The following KALRN variants were observed in gnomAD, a reference collection of about 807,000 sequenced individuals.
KALRN encodes the protein kalirin.
In KALRN, 70 loss-of-function variants were observed where a neutral mutation model predicts 353.7. That is an observed-to-expected ratio of 0.20 (90% CI 0.16 to 0.24). The LOEUF (loss-of-function observed/expected upper bound fraction) is 0.24, where lower values mean the gene tolerates loss of function less well. Among genes scored for constraint, KALRN ranks in the 10% least tolerant of loss-of-function variants. KALRN has a pLI of 1.00. For missense variants in KALRN, 2,791 were observed against 3,756.7 expected (o/e 0.74, Z 6.72); for synonymous variants, 1,391 against 1,434.8 (o/e 0.97, Z 0.69).
intron 9 of KALRN, among the ~76,000 whole-genome samples, chr3:124,344,455 C>A (rs901105412): frequency 1.3e-5 from 2 of 152,186 alleles, no homozygotes; most frequent in Non-Finnish European, 2.9e-5. Context: ...GGTCTAAACA[C>A]GTGTATCATG....
chr3:124,305,543 T>G (rs2077615175), intron 6 of KALRN, among the ~76,000 whole-genome samples: 1 of 152,150 alleles, frequency 6.6e-6, no homozygotes, highest in South Asian at 2.1e-4. Flanking sequence ...AAATCAAACC[T>G]GGTACAAGAT....
In KALRN at chr3:124,434,399, C is replaced by T. The variant is rs61758999; in HGVS notation, c.2922C>T (p.Tyr974=). 4.0e-4 allele frequency: 640 copies of T among 1,614,154 alleles called. No individual in the cohort carries two copies. The highest frequency in any genetic ancestry group is 5.1e-4 in the Non-Finnish European group (605 of 1,180,028). The change falls in exon 17 of 60, where the codon TAC becomes TAT. Residue 974 remains tyrosine (Y), a synonymous_variant. Transcript: ENST00000682506. The part of the protein sequence containing the change: ...KAEVLLQAGH[Y]DADAIRECAE... ...AGGTGCTGCTCCAGGCCGGCCACTACGATGCCGATGCCATCCGGGAATGTG... is the reference window on the plus strand; with the variant it reads ...AGGTGCTGCTCCAGGCCGGCCACTATGATGCCGATGCCATCCGGGAATGTG...
At chr3:124,564,998 G>C (rs1335010585) in intron 34 of KALRN, among the ~76,000 whole-genome samples, 2 of 152,234 alleles carry the variant, frequency 1.3e-5, no homozygotes, top group African/African-American at 4.8e-5. Context: ...AGATGGGGAC[G>C]AGGGTCAGCA....
At chr3:124,586,235 A>C (rs1400092454) in intron 34 of KALRN, among the ~76,000 whole-genome samples, 1 of 152,200 alleles carries the variant, frequency 6.6e-6, no homozygotes, top group Admixed American at 6.5e-5. Flanking sequence ...GAAAGGGGGA[A>C]TAAAGCGCGG....
intron 2 of KALRN, among the ~76,000 whole-genome samples, chr3:124,228,382 T>TC (rs1318951153): frequency 1.1e-4 from 17 of 152,234 alleles, no homozygotes; most frequent in Non-Finnish European, 2.1e-4. Context: ...GGAGGTTTTA[T>TC]CTGAGTTCAT....
At chr3:124,082,333 G>T (rs537750976) in intron 1 of KALRN, 2 of 470,872 alleles carry the variant, frequency 4.2e-6, no homozygotes, top group Non-Finnish European at 4.4e-6. Flanking sequence ...TTTTCTTACT[G>T]TAAGTAGAAA....
chr3:124,625,547 C>A (rs1439114589), intron 34 of KALRN, among the ~76,000 whole-genome samples: 1 of 151,362 alleles, frequency 6.6e-6, no homozygotes, highest in Non-Finnish European at 1.5e-5. Context: ...ATCATGAGAC[C>A]CCATCTCTAT....
At chr3:124,630,193 TTAAA>T (rs960838652) in intron 34 of KALRN, among the ~76,000 whole-genome samples, 1 of 152,100 alleles carries the variant, frequency 6.6e-6, no homozygotes, top group Non-Finnish European at 1.5e-5. Flanking sequence ...TTAGGGAAAA[TTAAA>T]TAAAGTTTGC....
intron 6 of KALRN, among the ~76,000 whole-genome samples, chr3:124,304,127 A>AACACACTCACACAC (rs2077487037): frequency 2.0e-5 from 3 of 147,504 alleles, no homozygotes; most frequent in East Asian, 4.1e-4. Context: ...TTTTGTTGTA[A>AACACACTCACACAC]ACACACACAC....
At chr3:124,570,783 G>A (rs2073429656) in intron 34 of KALRN, among the ~76,000 whole-genome samples, 1 of 152,160 alleles carries the variant, frequency 6.6e-6, no homozygotes, top group Non-Finnish European at 1.5e-5. Flanking sequence ...ACCGGTTCTT[G>A]AATAGATTTA....
intron 4 of KALRN, 94 bp from the exon 5 acceptor site, chr3:124,268,649 A>G (rs73188176): frequency 0.02 from 26,075 of 1,306,138 alleles, 358 homozygotes; most frequent in Non-Finnish European, 0.024. Context: ...GGTCATTATT[A>G]TGTGGATTTA....
At chr3:124,500,718 T>TC (rs2108633627) in intron 33 of KALRN, among the ~76,000 whole-genome samples, 1 of 152,334 alleles carries the variant, frequency 6.6e-6, no homozygotes, top group Non-Finnish European at 1.5e-5. Flanking sequence ...AAGTGGTAGT[T>TC]CCCCAAGGGG....
intron 33 of KALRN, among the ~76,000 whole-genome samples, chr3:124,553,033 T>C (rs1322291700): frequency 6.6e-6 from 1 of 152,210 alleles, no homozygotes; most frequent in East Asian, 1.9e-4. Context: ...CCTGATGTGC[T>C]AGGATTACAG....
intron 34 of KALRN, among the ~76,000 whole-genome samples, chr3:124,597,735 G>T (rs56357320): frequency 1.3e-5 from 2 of 151,928 alleles, no homozygotes; most frequent in Non-Finnish European, 1.5e-5. Context: ...TTTTATATTG[G>T]TTATATATTG....
chr3:124,149,611 C>T (rs1681779712), intron 1 of KALRN, among the ~76,000 whole-genome samples: 1 of 152,200 alleles, frequency 6.6e-6, no homozygotes, highest in Admixed American at 6.5e-5. Flanking sequence ...TGCTATGGAA[C>T]TTGCCAGCCA....
At chr3:124,202,349 CA>C (rs1219981767) in intron 1 of KALRN, among the ~76,000 whole-genome samples, 2 of 152,164 alleles carry the variant, frequency 1.3e-5, no homozygotes, top group African/African-American at 4.8e-5. Flanking sequence ...CTCCCAGGCT[CA>C]AGCGATTTTC....
At chr3:124,550,881 C>T (rs1182625686) in intron 33 of KALRN, among the ~76,000 whole-genome samples, 5 of 151,920 alleles carry the variant, frequency 3.3e-5, no homozygotes, top group African/African-American at 9.7e-5. Context: ...CCCAGCTACT[C>T]GGGAGGCTGC....
chr3:124,453,545 G>A (rs1472050324), intron 21 of KALRN, among the ~76,000 whole-genome samples: 1 of 152,156 alleles, frequency 6.6e-6, no homozygotes, highest in African/African-American at 2.4e-5. Flanking sequence ...AGAAAGAAGG[G>A]CTCTGTTGTT....
chr3:124,596,909 A>G (rs2076319981), intron 34 of KALRN, among the ~76,000 whole-genome samples: 1 of 152,096 alleles, frequency 6.6e-6, no homozygotes. Flanking sequence ...TTAGCCAGGC[A>G]TTGGTGGTGC....
Sources: gnomAD v4.1 joint callset for allele counts (sites outside exome capture counted in the v4.1 genomes callset) on GRCh38, gnomAD v4.1.1 for gene constraint, MANE v1.5 for transcripts, NCBI Gene and HGNC (gene_info 2026-07-23, HGNC 2026-07-21) for gene names.